The following AUTS2 variants were observed in gnomAD, a reference collection of about 807,000 sequenced individuals.
AUTS2 encodes the protein activator of transcription and developmental regulator AUTS2.
AUTS2 carries 17 observed loss-of-function variants against 112.4 expected under a neutral mutation model. The observed-to-expected ratio is 0.15, with a 90% confidence interval of 0.10 to 0.23. The LOEUF (loss-of-function observed/expected upper bound fraction) is 0.23. Among genes scored for constraint, AUTS2 ranks in the 10% least tolerant of loss-of-function variants. AUTS2 has a pLI of 1.00. For synonymous variants in AUTS2, 751 were observed against 702.7 expected, an observed-to-expected ratio of 1.07 and a Z score of -1.09; for missense variants, 1,510 against 1,701.6, an observed-to-expected ratio of 0.89 and a Z score of 1.98.
chr7:69,620,245 A>T (rs976438634), intron 1 of AUTS2, among the ~76,000 whole-genome samples: 1 of 152,208 alleles, frequency 6.6e-6, no homozygotes, highest in African/African-American at 2.4e-5. Flanking sequence ...GCGGAAAACG[A>T]AAGTTTATTT....
At chr7:70,731,537 C>T (rs1787393807) in intron 6 of AUTS2, among the ~76,000 whole-genome samples, 3 of 147,136 alleles carry the variant, frequency 2.0e-5, no homozygotes, top group Admixed American at 1.4e-4. Flanking sequence ...TCATGCCATT[C>T]TCCTGCCTCA....
intron 4 of AUTS2, among the ~76,000 whole-genome samples, chr7:70,161,657 C>T (rs1165891758): frequency 1.3e-5 from 2 of 151,148 alleles, no homozygotes; most frequent in Non-Finnish European, 2.9e-5. Context: ...AAGGTCTTAT[C>T]ATTGGCATAT....
At chr7:70,679,160 T>C (rs561478094) in intron 5 of AUTS2, among the ~76,000 whole-genome samples, 4 of 152,340 alleles carry the variant, frequency 2.6e-5, no homozygotes, top group Non-Finnish European at 4.4e-5. Context: ...ATTCTCACCA[T>C]CTATCATTAT....
chr7:69,626,978 A>G (rs1467415086), intron 1 of AUTS2, among the ~76,000 whole-genome samples: 1 of 152,230 alleles, frequency 6.6e-6, no homozygotes, highest in Non-Finnish European at 1.5e-5. Context: ...CAAAACATTA[A>G]CCCCCAAATG....
At chr7:70,441,464 C>T (rs1399011203) in intron 5 of AUTS2, among the ~76,000 whole-genome samples, 1 of 152,204 alleles carries the variant, frequency 6.6e-6, no homozygotes, top group African/African-American at 2.4e-5. Context: ...TAGCTCACTA[C>T]AGCCTCGAAC....
intron 5 of AUTS2, among the ~76,000 whole-genome samples, chr7:70,505,505 T>C (rs1176624409): frequency 1.3e-5 from 2 of 152,206 alleles, no homozygotes; most frequent in Admixed American, 6.5e-5. Flanking sequence ...GGGCCTGCAC[T>C]TTCTCCTGGC....
rs67691820 is a variant in AUTS2 at position 70,616,753 on chromosome 7, G to GTTTTTT, written c.691-81803_691-81798dup. ...TCTTCTCAAAATAGAGTGTCGAATA[G>GTTTTTT]TTTTTTTTTTTTTTTTTTGATTGGA... On this transcript the variant is annotated intron_variant, in intron 5 of 18. Coordinates refer to ENST00000342771, the MANE Select transcript of AUTS2 (RefSeq NM_015570.4). 3.6e-3 allele frequency among the ~76,000 whole-genome samples: 476 copies of GTTTTTT among 131,230 alleles called. 3 individuals carry two copies. Among genetic ancestry groups the GTTTTTT allele is most frequent in the Middle Eastern group, 0.014 (3 of 210 alleles). The allele number at this position is 131,230 out of a possible 152,430, so 86.1% of individuals were successfully genotyped here.
At chr7:70,758,418 C>T (rs1157430822) in intron 6 of AUTS2, among the ~76,000 whole-genome samples, 1 of 152,050 alleles carries the variant, frequency 6.6e-6, no homozygotes, top group Non-Finnish European at 1.5e-5. Context: ...AAAAAAGGGC[C>T]CATTTTCCCC....
chr7:69,627,555 C>G (rs1414096930), intron 1 of AUTS2, among the ~76,000 whole-genome samples: 2 of 152,042 alleles, frequency 1.3e-5, no homozygotes, highest in Non-Finnish European at 2.9e-5. Flanking sequence ...TTAGTAGCTA[C>G]TGTTGCAATG....
At chr7:70,649,691 G>T (rs1806389071) in intron 5 of AUTS2, among the ~76,000 whole-genome samples, 2 of 152,020 alleles carry the variant, frequency 1.3e-5, no homozygotes, top group South Asian at 2.1e-4. Flanking sequence ...ACCATGCCCA[G>T]CTAATTTTTT....
Position 70,790,343 on chromosome 7 carries a change from A to T in AUTS2, c.3127A>T (p.Thr1043Ser). 6.2e-7 allele frequency: 1 copy of T among 1,613,648 alleles called. No homozygotes were observed. Reference sequence around the variant, plus strand: ...GAACAGCATCAGCAGCCTGGACAGGACTCGCATGATGACCCCCTTCATGGG... The same window carrying T: ...GAACAGCATCAGCAGCCTGGACAGGTCTCGCATGATGACCCCCTTCATGGG... The part of the protein sequence containing the change: ...PMNSISSLDR[T>S]RMMTPFMGIS... The change falls in exon 19 of 19, where the codon ACT becomes TCT. Residue 1043 changes from threonine (T) to serine (S), a missense_variant. Transcript: ENST00000342771. This position sits in a 1 kb window ranked among gnomAD's most constrained non-coding sequence, Gnocchi z 7.6.
intron 5 of AUTS2, among the ~76,000 whole-genome samples, chr7:70,671,955 G>C (rs186657984): frequency 6.6e-6 from 1 of 152,342 alleles, no homozygotes; most frequent in Admixed American, 6.5e-5. Flanking sequence ...AACGAAAGCC[G>C]TGGCAGTGAG....
intron 4 of AUTS2, among the ~76,000 whole-genome samples, chr7:70,422,567 A>G (rs1034637187): frequency 1.3e-5 from 2 of 152,158 alleles, no homozygotes; most frequent in African/African-American, 4.8e-5. Context: ...ACCTGAGGTC[A>G]GGCGTTTGAG....
chr7:70,006,602 T>A (rs1258502712), intron 2 of AUTS2, among the ~76,000 whole-genome samples: 1 of 152,182 alleles, frequency 6.6e-6, no homozygotes, highest in Non-Finnish European at 1.5e-5. Flanking sequence ...TTGTTTTTTT[T>A]ACCCCCTCCA....
intron 5 of AUTS2, among the ~76,000 whole-genome samples, chr7:70,592,172 T>G (rs369008709): frequency 3.3e-5 from 5 of 152,188 alleles, no homozygotes; most frequent in African/African-American, 9.6e-5. Flanking sequence ...TATTTGTATG[T>G]TTTTTCAGTA....
At chr7:70,751,353 G>A (rs559625687) in intron 6 of AUTS2, among the ~76,000 whole-genome samples, 5 of 152,336 alleles carry the variant, frequency 3.3e-5, no homozygotes, top group Non-Finnish European at 7.3e-5. Context: ...CTGGAAGCAG[G>A]GCTGCCTGTA....
At chr7:70,146,544 A>G (rs1380632889) in intron 4 of AUTS2, among the ~76,000 whole-genome samples, 3 of 152,100 alleles carry the variant, frequency 2.0e-5, no homozygotes, top group Non-Finnish European at 4.4e-5. Context: ...AATTACTTAC[A>G]TATTTTTATT....
intron 4 of AUTS2, among the ~76,000 whole-genome samples, chr7:70,251,909 C>T (rs1056669154): frequency 6.6e-6 from 1 of 152,016 alleles, no homozygotes; most frequent in Non-Finnish European, 1.5e-5. Context: ...TCTTATTTCA[C>T]TCCATTTGAT....
chr7:69,878,468 C>T (rs988793662), intron 1 of AUTS2, among the ~76,000 whole-genome samples: 2 of 152,120 alleles, frequency 1.3e-5, no homozygotes, highest in African/African-American at 4.8e-5. Context: ...AGGTGGAAAA[C>T]GCCTCCTTGT....
Sources: allele counts gnomAD v4.1 joint callset (sites outside exome capture counted in the v4.1 genomes callset), GRCh38; gene constraint gnomAD v4.1.1; non-coding constraint Gnocchi (gnomAD v3.1); transcripts MANE v1.5; gene names NCBI Gene and HGNC (gene_info 2026-07-23, HGNC 2026-07-21).